The following HEPHL1 variants were observed in gnomAD, a reference collection of about 807,000 sequenced individuals.
HEPHL1 encodes hephaestin like 1.
Under a neutral mutation model 122.0 loss-of-function variants are expected in HEPHL1, and 123 were observed. The ratio of observed to expected loss-of-function variants is 1.01; its 90% confidence interval spans 0.87 to 1.17. The LOEUF (loss-of-function observed/expected upper bound fraction) is 1.17. Among genes scored for constraint, HEPHL1 ranks in the 50% most tolerant of loss-of-function variants. HEPHL1 has a pLI of 0.00. For synonymous variants in HEPHL1, 527 were observed against 508.9 expected (o/e 1.04, Z -0.48); for missense variants, 1,452 against 1,430.5 (o/e 1.01, Z -0.24).
At chr11:94,025,975 A>C (rs1309269480) in intron 1 of HEPHL1, among the ~76,000 whole-genome samples, 1 of 152,194 alleles carries the variant, frequency 6.6e-6, no homozygotes, top group East Asian at 1.9e-4. Context: ...ACTGGAGTAT[A>C]ATGTCTTTAA....
At chr11:94,094,609 C>T (rs1946294606) in intron 13 of HEPHL1, among the ~76,000 whole-genome samples, 1 of 152,146 alleles carries the variant, frequency 6.6e-6, no homozygotes, top group Non-Finnish European at 1.5e-5. Flanking sequence ...GTTTACAGTC[C>T]CACCAACAGT....
At chr11:94,036,959 G>T (rs1162516088) in intron 1 of HEPHL1, among the ~76,000 whole-genome samples, 5 of 152,196 alleles carry the variant, frequency 3.3e-5, no homozygotes, top group African/African-American at 1.2e-4. Context: ...CTGAGGTACA[G>T]GGTTCATCTC....
intron 2 of HEPHL1, among the ~76,000 whole-genome samples, chr11:94,053,579 A>G (rs569913677): frequency 6.6e-6 from 1 of 151,996 alleles, no homozygotes; most frequent in African/African-American, 2.4e-5. Flanking sequence ...AACTTCTGAG[A>G]TAGATGACTT....
chr11:94,072,962 T>C, intron 6 of HEPHL1, 63 bp from the exon 7 acceptor site: 1 of 1,481,606 alleles, frequency 6.7e-7, no homozygotes, highest in Middle Eastern at 1.8e-4. Context: ...TGAAGTTCTA[T>C]AATTAAAGTA....
chr11:94,082,917 C>G (rs58964858), intron 10 of HEPHL1, among the ~76,000 whole-genome samples: 6 of 151,808 alleles, frequency 4.0e-5, no homozygotes, highest in African/African-American at 1.5e-4. Context: ...GGTGAAACCC[C>G]GTCTCTACTA....
intron 9 of HEPHL1, among the ~76,000 whole-genome samples, chr11:94,076,252 A>AT (rs1446235557): frequency 6.6e-6 from 1 of 152,184 alleles, no homozygotes; most frequent in Non-Finnish European, 1.5e-5. Context: ...CTCAACAAGC[A>AT]CACAAGGCAA....
chr11:94,095,783 C>G (rs1247144053), intron 13 of HEPHL1, among the ~76,000 whole-genome samples: 1 of 152,068 alleles, frequency 6.6e-6, no homozygotes, highest in African/African-American at 2.4e-5. Flanking sequence ...GTCTTTGAAG[C>G]AATTGTGAAT....
At chr11:94,034,052 G>A (rs897657482) in intron 1 of HEPHL1, among the ~76,000 whole-genome samples, 1 of 152,226 alleles carries the variant, frequency 6.6e-6, no homozygotes, top group African/African-American at 2.4e-5. Context: ...GACATGGTGT[G>A]TACCAAGAAG....
chr11:94,021,816 C>T (rs1945584878), intron 1 of HEPHL1, among the ~76,000 whole-genome samples: 1 of 152,144 alleles, frequency 6.6e-6, no homozygotes, highest in Non-Finnish European at 1.5e-5. Context: ...CCAGGTACTA[C>T]TAGTAACTTC....
chr11:94,089,257 A>G (rs1379684642), intron 12 of HEPHL1, among the ~76,000 whole-genome samples: 1 of 152,118 alleles, frequency 6.6e-6, no homozygotes, highest in Non-Finnish European at 1.5e-5. Flanking sequence ...GGCAGATCAC[A>G]TGGTTATAGT....
intron 10 of HEPHL1, among the ~76,000 whole-genome samples, chr11:94,085,488 A>G (rs1174035623): frequency 6.6e-6 from 1 of 152,228 alleles, no homozygotes; most frequent in Non-Finnish European, 1.5e-5. Flanking sequence ...AATTGATTTA[A>G]AAATCTTTCA....
chr11:94,039,392 C>G (rs985815126), intron 1 of HEPHL1, among the ~76,000 whole-genome samples: 2 of 152,246 alleles, frequency 1.3e-5, no homozygotes, highest in African/African-American at 2.4e-5. Flanking sequence ...CTACAGAACT[C>G]TCCACCCCAA....
intron 6 of HEPHL1, 129 bp downstream of exon 6, chr11:94,070,671 C>T (rs148179366): frequency 2.7e-5 from 20 of 731,218 alleles, no homozygotes; most frequent in Non-Finnish European, 3.9e-5. Context: ...CATAATGTAG[C>T]TGCTTAAGGT....
chr11:94,084,646 G>A (rs926865074), intron 10 of HEPHL1, among the ~76,000 whole-genome samples: 2 of 152,134 alleles, frequency 1.3e-5, no homozygotes, highest in African/African-American at 4.8e-5. Flanking sequence ...CTTTAAACAA[G>A]CATTCCAAGG....
intron 8 of HEPHL1, among the ~76,000 whole-genome samples, chr11:94,074,700 C>A (rs1208696322): frequency 2.6e-5 from 4 of 152,068 alleles, no homozygotes; most frequent in South Asian, 4.1e-4. Flanking sequence ...AATGTCATAA[C>A]CTTGGGCATT....
chr11:94,082,846 C>A (rs551534422), intron 10 of HEPHL1, among the ~76,000 whole-genome samples: 1 of 152,266 alleles, frequency 6.6e-6, no homozygotes, highest in East Asian at 1.9e-4. Context: ...CCTGTAATCC[C>A]AGCACTTTGG....
At chr11:94,066,274 G>A (rs866740860) in intron 4 of HEPHL1, among the ~76,000 whole-genome samples, 4 of 152,144 alleles carry the variant, frequency 2.6e-5, no homozygotes, top group African/African-American at 7.2e-5. Flanking sequence ...CTGGAAAAGG[G>A]TGGGGTATTG....
chr11:94,070,165 G>A (rs1354204124), intron 5 of HEPHL1, among the ~76,000 whole-genome samples: 5 of 151,976 alleles, frequency 3.3e-5, no homozygotes, highest in Admixed American at 2.0e-4. Context: ...ATCTTTATCT[G>A]TAAAAGTGAT....
At chr11:94,077,543 T>C (rs1946136052) in intron 9 of HEPHL1, among the ~76,000 whole-genome samples, 1 of 151,954 alleles carries the variant, frequency 6.6e-6, no homozygotes. Context: ...TCCATTTATA[T>C]TCTTTTAGTT....
Sources: allele counts gnomAD v4.1 joint callset (sites outside exome capture counted in the v4.1 genomes callset), GRCh38; gene constraint gnomAD v4.1.1; transcripts MANE v1.5; gene names NCBI Gene and HGNC (gene_info 2026-07-23, HGNC 2026-07-21).